The following KIAA0825 variants were observed in gnomAD, a reference collection of about 807,000 sequenced individuals.
KIAA0825 encodes uncharacterized protein KIAA0825.
A neutral mutation model predicts 147.6 loss-of-function variants in KIAA0825; 119 were observed. That is an observed-to-expected ratio of 0.81 (90% confidence interval 0.69 to 0.94). KIAA0825 has a LOEUF of 0.94. Among genes scored for constraint, KIAA0825 ranks in the 40% least tolerant of loss-of-function variants. KIAA0825 has a pLI of 0.00. For missense variants in KIAA0825, 1,381 were observed against 1,472.7 expected, an observed-to-expected ratio of 0.94 and a Z score of 1.02; for synonymous variants, 470 against 518.1, an observed-to-expected ratio of 0.91 and a Z score of 1.26.
chr5:94,299,979 C>T (rs1192553961), intron 20 of KIAA0825, among the ~76,000 whole-genome samples: 4 of 151,666 alleles, frequency 2.6e-5, no homozygotes, highest in East Asian at 3.9e-4. Flanking sequence ...TGGGCAAATT[C>T]GTTATATATA....
chr5:94,398,502 C>G (rs969439445), intron 16 of KIAA0825, among the ~76,000 whole-genome samples: 2 of 152,132 alleles, frequency 1.3e-5, no homozygotes, highest in Admixed American at 6.5e-5. Flanking sequence ...ATCTTCAACT[C>G]TTAGTTCAAA....
chr5:94,583,057 A>G (rs1255084688), intron 1 of KIAA0825, among the ~76,000 whole-genome samples: 1 of 152,212 alleles, frequency 6.6e-6, no homozygotes. Flanking sequence ...AGGCGCTTCC[A>G]AGATGGCCAA....
chr5:94,482,053 C>G (rs1762550067), intron 6 of KIAA0825, among the ~76,000 whole-genome samples: 2 of 151,988 alleles, frequency 1.3e-5, no homozygotes, highest in South Asian at 4.1e-4. Flanking sequence ...CCACAACAGT[C>G]AAATAATGTC....
At chr5:94,193,010 T>A (rs534204298) in intron 20 of KIAA0825, among the ~76,000 whole-genome samples, 3 of 152,218 alleles carry the variant, frequency 2.0e-5, no homozygotes, top group Non-Finnish European at 4.4e-5. Context: ...CTAGCCTCAG[T>A]TGATTACATT....
intron 20 of KIAA0825, among the ~76,000 whole-genome samples, chr5:94,263,606 CCAAA>C (rs1776603921): frequency 6.6e-6 from 1 of 152,108 alleles, no homozygotes. Flanking sequence ...CAACACATCC[CCAAA>C]CAAACTTGTT....
At chr5:94,573,319 T>G (rs1780339402) in intron 2 of KIAA0825, among the ~76,000 whole-genome samples, 1 of 150,218 alleles carries the variant, frequency 6.7e-6, no homozygotes, top group Non-Finnish European at 1.5e-5. Context: ...CATCCAGGCT[T>G]GAGTACAGTG....
chr5:94,598,951 A>G (rs1785809404), intron 1 of KIAA0825, among the ~76,000 whole-genome samples: 1 of 152,148 alleles, frequency 6.6e-6, no homozygotes, highest in Admixed American at 6.5e-5. Context: ...AAGGTATTTC[A>G]TCAATATACT....
At chr5:94,391,398 C>A (rs1749872382) in intron 18 of KIAA0825, 137 bp downstream of exon 18, 2 of 776,100 alleles carry the variant, frequency 2.6e-6, no homozygotes, top group African/African-American at 1.8e-5. Flanking sequence ...TGAATAGATT[C>A]TATTAATAAT....
chr5:94,589,146 T>TA (rs1783875259), intron 1 of KIAA0825, among the ~76,000 whole-genome samples: 1 of 152,074 alleles, frequency 6.6e-6, no homozygotes, highest in African/African-American at 2.4e-5. Flanking sequence ...CCCTAGAACT[T>TA]AGAGTATAAC....
chr5:94,486,498 T>C (rs1763072305), intron 5 of KIAA0825, among the ~76,000 whole-genome samples: 2 of 152,078 alleles, frequency 1.3e-5, no homozygotes, highest in Non-Finnish European at 2.9e-5. Context: ...AAGAGCTGTC[T>C]ACCAACTTAG....
intron 20 of KIAA0825, among the ~76,000 whole-genome samples, chr5:94,266,845 A>G (rs1040702106): frequency 1.3e-5 from 2 of 152,182 alleles, no homozygotes; most frequent in Non-Finnish European, 2.9e-5. Flanking sequence ...AAAATGATAA[A>G]TGTTAATCAA....
chr5:94,226,621 G>A (rs1202497329), intron 20 of KIAA0825, among the ~76,000 whole-genome samples: 1 of 152,080 alleles, frequency 6.6e-6, no homozygotes, highest in East Asian at 1.9e-4. Context: ...CAACCCAAAT[G>A]TCCATCAATG....
At chr5:94,511,104 T>TGTG (rs1353609767) in intron 5 of KIAA0825, among the ~76,000 whole-genome samples, 8 of 152,134 alleles carry the variant, frequency 5.3e-5, no homozygotes, top group African/African-American at 1.9e-4. Flanking sequence ...TTGCCCCTTC[T>TGTG]ACCACATGAG....
chr5:94,565,858 A>G (rs1437725347), intron 2 of KIAA0825, among the ~76,000 whole-genome samples: 2 of 152,174 alleles, frequency 1.3e-5, no homozygotes, highest in Non-Finnish European at 2.9e-5. Flanking sequence ...TAACATATCC[A>G]TTGCCTTAAA....
At chr5:94,590,092 C>T (rs564139931) in intron 1 of KIAA0825, among the ~76,000 whole-genome samples, 16 of 152,204 alleles carry the variant, frequency 1.1e-4, no homozygotes, top group East Asian at 5.8e-4. Flanking sequence ...CAGGTTCAAG[C>T]GATTCTCCTG....
At chr5:94,209,708 A>G (rs1048833423) in intron 20 of KIAA0825, among the ~76,000 whole-genome samples, 1 of 152,150 alleles carries the variant, frequency 6.6e-6, no homozygotes, top group Non-Finnish European at 1.5e-5. Flanking sequence ...AGTAGACATC[A>G]CATACTTGAT....
intron 20 of KIAA0825, among the ~76,000 whole-genome samples, chr5:94,231,223 C>T (rs1241366978): frequency 1.3e-5 from 2 of 152,070 alleles, no homozygotes; most frequent in Non-Finnish European, 2.9e-5. Flanking sequence ...TGTGTCTCAA[C>T]AGGGCATCAA....
At chr5:94,159,606 T>C (rs554495272) in intron 20 of KIAA0825, among the ~76,000 whole-genome samples, 1 of 152,280 alleles carries the variant, frequency 6.6e-6, no homozygotes, top group South Asian at 2.1e-4. Flanking sequence ...TGCATATATG[T>C]ATATATGTAT....
chr5:94,445,710 T>A (rs1228605860), intron 13 of KIAA0825, among the ~76,000 whole-genome samples: 2 of 152,202 alleles, frequency 1.3e-5, no homozygotes, highest in African/African-American at 4.8e-5. Context: ...TAAGCCATGA[T>A]AGAAAAGACA....
Sources: allele counts gnomAD v4.1 joint callset (sites outside exome capture counted in the v4.1 genomes callset), GRCh38; gene constraint gnomAD v4.1.1; transcripts MANE v1.5; gene names NCBI Gene and HGNC (gene_info 2026-07-23, HGNC 2026-07-21).